ROCK2: variants seen among roughly 807,000 people sequenced by gnomAD.
The protein encoded by ROCK2 is Rho associated coiled-coil containing protein kinase 2, also known as rho-associated protein kinase 2.
A neutral mutation model predicts 195.1 loss-of-function variants in ROCK2; 61 were observed. That is an observed-to-expected ratio of 0.31 (90% confidence interval 0.25 to 0.39). The LOEUF (loss-of-function observed/expected upper bound fraction) is 0.39, where lower values mean the gene tolerates loss of function less well. ROCK2 is among the 10% of genes least tolerant of loss of function. The probability of loss-of-function intolerance (pLI) is 1.00; values close to 1 mark genes in which losing one functional copy is unlikely to be tolerated. For synonymous variants in ROCK2, 504 were observed against 545.5 expected, an observed-to-expected ratio of 0.92 and a Z score of 1.06; for missense variants, 1,109 against 1,637.4, an observed-to-expected ratio of 0.68 and a Z score of 5.57.
Position 11,214,904 on chromosome 2 carries a change from C to T in ROCK2, c.1872G>A (p.Gln624=). 6.2e-7 allele frequency: 1 copy of T among 1,613,852 alleles called. No individual in the cohort carries two copies. Among genetic ancestry groups the T allele is most frequent in the Non-Finnish European group, 8.5e-7 (1 of 1,179,868 alleles). The part of the protein sequence containing the change: ...LKLEKEFINL[Q]SALESERRDR... ...CCCTCCTTTCAGATTCTAGAGCTGA[C>T]TGAAGATTGATAAATTCCTTTTCAA... is the stretch of plus-strand genomic sequence containing the variant. Residue 624 remains glutamine, a synonymous_variant, in exon 16 of 33, where the codon CAG becomes CAA. Coordinates refer to ENST00000315872, the MANE Select transcript of ROCK2 (RefSeq NM_004850.5).
At chr2:11,274,868 A>T (rs905220099) in intron 3 of ROCK2, among the ~76,000 whole-genome samples, 1 of 152,226 alleles carries the variant, frequency 6.6e-6, no homozygotes, top group African/African-American at 2.4e-5. Flanking sequence ...AACCATGGAG[A>T]GTACTGAATC....
Position 11,297,573 on chromosome 2 carries a change from GAACTGGGATCTT to G in ROCK2, c.142-9849_142-9838del, listed in dbSNP as rs1407951855. 1.2e-4 allele frequency among the ~76,000 whole-genome samples: 18 copies of G among 151,576 alleles called. No homozygotes were observed. The East Asian group carries it at 3.3e-3, about 28-fold the overall frequency. On this transcript the variant is annotated intron_variant, in intron 1 of 32. Coordinates refer to ENST00000315872, the MANE Select transcript of ROCK2 (RefSeq NM_004850.5). ...TTGTTTTTTTTTCTCTCTCTTCTCT[GAACTGGGATCTT>G]AACAGGGATTAATAGGTTAATTTGA...
chr2:11,193,402 A>C (rs1663507371), intron 30 of ROCK2, among the ~76,000 whole-genome samples: 1 of 152,200 alleles, frequency 6.6e-6, no homozygotes, highest in African/African-American at 2.4e-5. Context: ...ACAAGGTACA[A>C]AATTTACCTC....
At chr2:11,183,628 A>G (rs954751075) in intron 32 of ROCK2, among the ~76,000 whole-genome samples, 188 bp from the exon 33 acceptor site, 1 of 152,320 alleles carries the variant, frequency 6.6e-6, no homozygotes, top group Non-Finnish European at 1.5e-5. Context: ...ACATGCAATT[A>G]TATTCTTTCC....
intron 1 of ROCK2, among the ~76,000 whole-genome samples, chr2:11,302,577 A>G (rs1248272139): frequency 1.3e-5 from 2 of 151,886 alleles, no homozygotes; most frequent in Non-Finnish European, 2.9e-5. Flanking sequence ...CTTCTTTCAC[A>G]TTTGCTCTAG....
rs574969548 is a variant in ROCK2 at position 11,274,178 on chromosome 2, C to T, written c.324+12361G>A. On this transcript the variant is annotated intron_variant, in intron 3 of 32. Coordinates refer to ENST00000315872, the MANE Select transcript of ROCK2 (RefSeq NM_004850.5). ...AACGAGAATGATCTGAAATTAAAAA[C>T]GAAACTTTACAATTTAAGAAACTAG... Among the ~76,000 whole-genome samples the T allele has an allele frequency of 5.3e-5, 8 of 151,448 alleles. No homozygotes were observed. In the South Asian group the frequency reaches 1.0e-3, roughly 20 times the overall value.
At chr2:11,317,576 T>TTATATATCTATATATATATATATA (rs1668237737) in intron 1 of ROCK2, among the ~76,000 whole-genome samples, 10 of 29,586 alleles carry the variant, frequency 3.4e-4, no homozygotes, top group African/African-American at 1.6e-3. Context: ...ATCTACACAT[T>TTATATATCTATATATATATATATA]TATATATATA....
chr2:11,254,824 A>G (rs546864127), intron 3 of ROCK2, among the ~76,000 whole-genome samples: 3 of 151,440 alleles, frequency 2.0e-5, no homozygotes, highest in African/African-American at 4.8e-5. Context: ...ACCAGGCTCT[A>G]AAGTAAGACC....
intron 30 of ROCK2, 37 bp downstream of exon 30, chr2:11,193,742 A>G: frequency 7.8e-7 from 1 of 1,289,888 alleles, no homozygotes. Flanking sequence ...AAACAAAACA[A>G]AGCCAACCAA....
At chr2:11,248,354 T>A (rs980130708) in intron 4 of ROCK2, among the ~76,000 whole-genome samples, 10 of 151,932 alleles carry the variant, frequency 6.6e-5, no homozygotes, top group Non-Finnish European at 1.0e-4. Flanking sequence ...GTCTGCAGAT[T>A]TACTTACTAG....
chr2:11,270,385 C>T (rs1227868406), intron 3 of ROCK2, among the ~76,000 whole-genome samples: 1 of 152,112 alleles, frequency 6.6e-6, no homozygotes, highest in Non-Finnish European at 1.5e-5. Flanking sequence ...CTTTCTGGAT[C>T]TGTGGTTTGG....
At chr2:11,297,397 G>C in intron 1 of ROCK2, among the ~76,000 whole-genome samples, 1 of 151,926 alleles carries the variant, frequency 6.6e-6, no homozygotes, top group African/African-American at 2.4e-5. Context: ...AAGTAAACAA[G>C]ATCTAAGGTA....
intron 1 of ROCK2, 119 bp from the exon 2 acceptor site, chr2:11,287,855 T>A: frequency 2.5e-6 from 1 of 394,242 alleles, no homozygotes; most frequent in Non-Finnish European, 4.7e-6. Context: ...CACTTTGATA[T>A]GATAGTGTCC....
chr2:11,265,688 T>C (rs4668720), intron 3 of ROCK2, among the ~76,000 whole-genome samples: 111,150 of 152,106 alleles, frequency 0.73, 42,503 homozygotes, highest in East Asian at 0.94. Context: ...ATTTAGACCT[T>C]TGTGAATGAG....
chr2:11,238,033 G>A (rs538650774), intron 4 of ROCK2, among the ~76,000 whole-genome samples: 29 of 152,284 alleles, frequency 1.9e-4, no homozygotes, highest in East Asian at 1.2e-3. Context: ...AGCCGAGATC[G>A]TGCCACTGCA....
At chr2:11,212,480 T>C (rs1664284364) in intron 17 of ROCK2, among the ~76,000 whole-genome samples, 1 of 152,034 alleles carries the variant, frequency 6.6e-6, no homozygotes, top group South Asian at 2.1e-4. Flanking sequence ...AACTATCCCT[T>C]GGCATTGCCG....
intron 23 of ROCK2, 87 bp downstream of exon 23, chr2:11,200,870 A>G: frequency 8.8e-7 from 1 of 1,142,754 alleles, no homozygotes; most frequent in South Asian, 2.0e-5. Flanking sequence ...TTTTTCATTT[A>G]GATCTGTGAT....
chr2:11,306,994 G>C (rs913178726), intron 1 of ROCK2, among the ~76,000 whole-genome samples: 3 of 152,286 alleles, frequency 2.0e-5, no homozygotes, highest in African/African-American at 7.2e-5. Context: ...TTCTAATAAA[G>C]TCAGTGGTAT....
At chr2:11,283,582 A>AAAAAGAAAGAAAG (rs777307547) in intron 3 of ROCK2, among the ~76,000 whole-genome samples, 10 of 15,130 alleles carry the variant, frequency 6.6e-4, no homozygotes, top group South Asian at 8.0e-3. Context: ...AAAAAAAAAA[A>AAAAAGAAAGAAAG]AAAGCAAGAA....
Sources: gnomAD v4.1 joint callset for allele counts (sites outside exome capture counted in the v4.1 genomes callset) on GRCh38, gnomAD v4.1.1 for gene constraint, MANE v1.5 for transcripts, NCBI Gene and HGNC (gene_info 2026-07-23, HGNC 2026-07-21) for gene names.